ABCA5: variants seen among roughly 807,000 people sequenced by gnomAD.
The protein encoded by ABCA5 is cholesterol transporter ABCA5.
Under a neutral mutation model 206.0 loss-of-function variants are expected in ABCA5, and 163 were observed. The ratio of observed to expected loss-of-function variants is 0.79; its 90% CI spans 0.70 to 0.90. The LOEUF (loss-of-function observed/expected upper bound fraction) is 0.90. ABCA5 is among the 40% of genes least tolerant of loss of function. ABCA5 has a pLI of 0.00. For missense variants in ABCA5, 1,859 were observed against 1,912.9 expected (o/e 0.97, Z 0.53); for synonymous variants, 609 against 613.8 (o/e 0.99, Z 0.11).
At chr17:69,249,108 T>G (rs2074984293) in intron 37 of ABCA5, 1 of 152,158 alleles carries the variant, frequency 6.6e-6, no homozygotes, top group Non-Finnish European at 1.5e-5. Context: ...TTGGCAAAAG[T>G]AAACCCATTA....
In ABCA5 at chr17:69,304,830, A is replaced by G; in HGVS notation, c.789-20T>C. ...GAAAGCCTAAAATGAGAATACAGAT[A>G]TAGTTATGGTCAAATGCATAGGCTT... On this transcript the variant is annotated intron_variant, in intron 6 of 38. Transcript: ENST00000392676. 1 of 1,565,144 alleles carries G rather than the reference A, an allele frequency of 6.4e-7. No homozygotes were observed. The highest frequency in any genetic ancestry group is 8.6e-7 in the Non-Finnish European group (1 of 1,159,196).
At chr17:69,277,616 G>A (rs1330181897) in intron 19 of ABCA5, 25 bp downstream of exon 19, 1 of 1,570,996 alleles carries the variant, frequency 6.4e-7, no homozygotes. Context: ...AATCCATCAG[G>A]TATAAGGGTG....
intron 24 of ABCA5, among the ~76,000 whole-genome samples, chr17:69,263,165 C>T (rs983561523): frequency 1.3e-4 from 20 of 152,024 alleles, no homozygotes; most frequent in African/African-American, 4.6e-4. Context: ...TTTGTATTTT[C>T]TCCCATTCTG....
Position 69,274,101 on chromosome 17 carries a change from T to G in ABCA5, c.2622A>C (p.Thr874=), listed in dbSNP as rs1440564188. ...SVLLLLLIFF[T]VQIFMFLVHH... ...GAACCAAAAACATAAAAATCTGAAC[T>G]GTGAAAAAAATTAAAAGCAGAAGCA... is the stretch of plus-strand genomic sequence containing the variant. The change falls in exon 20 of 39, where the codon ACA becomes ACC. Residue 874 remains threonine (T), a synonymous_variant. Transcript: ENST00000392676. 1.3e-6 allele frequency: 2 copies of G among 1,572,300 alleles called. No homozygotes were observed. The highest frequency in any genetic ancestry group is 8.6e-7 in the Non-Finnish European group (1 of 1,166,190).
chr17:69,316,225 G>A (rs917935543), intron 1 of ABCA5, among the ~76,000 whole-genome samples: 2 of 152,220 alleles, frequency 1.3e-5, no homozygotes, highest in Non-Finnish European at 2.9e-5. Context: ...GGGCACACTG[G>A]CTTACGCCCA....
chr17:69,302,932 G>C (rs528048369), intron 7 of ABCA5, 26 bp from the exon 8 acceptor site: 2 of 1,335,500 alleles, frequency 1.5e-6, no homozygotes, highest in African/African-American at 3.0e-5. Flanking sequence ...ATTAAGGTTA[G>C]TGCAATGTTC....
chr17:69,285,939 AGTT>A lies in ABCA5; in HGVS notation c.2228_2230del (p.Gln743del). The A allele has an allele frequency of 6.2e-7, 1 of 1,613,342 alleles. No homozygotes were observed. Among genetic ancestry groups the A allele is most frequent in the Non-Finnish European group, 8.5e-7 (1 of 1,179,570 alleles). On this transcript the variant is annotated inframe_deletion, in exon 17 of 39. Transcript: ENST00000392676. Reference sequence around the variant, plus strand: ...GTCCTTGAAAGGCAAGCTATACACAAGTTGTTGGTCATTCTGTTGTAATAAAGT... The same window carrying A: ...GTCCTTGAAAGGCAAGCTATACACAAGTTGGTCATTCTGTTGTAATAAAGT...
chr17:69,269,445 C>T (rs1345464870), intron 22 of ABCA5, among the ~76,000 whole-genome samples: 1 of 152,178 alleles, frequency 6.6e-6, no homozygotes, highest in Non-Finnish European at 1.5e-5. Context: ...GACACTGCTG[C>T]TGGAAATGGA....
chr17:69,283,730 T>C (rs534952404), intron 18 of ABCA5, among the ~76,000 whole-genome samples: 150 of 152,018 alleles, frequency 9.9e-4, no homozygotes, highest in Non-Finnish European at 1.0e-3. Flanking sequence ...TCAAGTATCA[T>C]CTCAACAAAG....
At chr17:69,270,579 A>G in intron 22 of ABCA5, 34 bp downstream of exon 22, 1 of 1,538,424 alleles carries the variant, frequency 6.5e-7, no homozygotes, top group Non-Finnish European at 8.7e-7. Context: ...TATGACATGC[A>G]TATGGAAATT....
At chr17:69,323,304 A>G (rs1217272965) in intron 1 of ABCA5, among the ~76,000 whole-genome samples, 1 of 152,210 alleles carries the variant, frequency 6.6e-6, no homozygotes, top group African/African-American at 2.4e-5. Flanking sequence ...AACACTGCCT[A>G]TAACTAATTG....
chr17:69,285,937 C>CAACAG lies in ABCA5; in HGVS notation c.2232_2233insCTGTT (p.Val745LeufsTer21). The CAACAG allele has an allele frequency of 6.2e-7, 1 of 1,613,070 alleles. No homozygotes were observed. On this transcript the variant is annotated frameshift_variant, in exon 17 of 39. Transcript: ENST00000392676. LOFTEE classifies it high-confidence loss of function. ...ATGTCCTTGAAAGGCAAGCTATACA[C>CAACAG]AAGTTGTTGGTCATTCTGTTGTAAT... is the stretch of plus-strand genomic sequence containing the variant.
chr17:69,293,848 G>T (rs2144990319), intron 11 of ABCA5, among the ~76,000 whole-genome samples: 1 of 103,058 alleles, frequency 9.7e-6, no homozygotes, highest in Middle Eastern at 4.8e-3. Flanking sequence ...GTGTGTGTGT[G>T]TGTGTGTGTG....
rs1474929503 is a variant in ABCA5, at chr17:69,303,807, T to TATATATACAC, written c.930+861_930+862insGTGTATATAT. On this transcript the variant is annotated intron_variant, in intron 7 of 38. Coordinates refer to ENST00000392676, the MANE Select transcript of ABCA5 (RefSeq NM_172232.4). ...AAAAATATATATATATATATATATA[T>TATATATACAC]ACATACATATATATATATGTATATA... Among the ~76,000 whole-genome samples the TATATATACAC allele has an allele frequency of 3.4e-3, 18 of 5,224 alleles. 3 individuals carry two copies. Among genetic ancestry groups the TATATATACAC allele is most frequent in the Non-Finnish European group, 0.017 (14 of 848 alleles). 3.4% of individuals were successfully genotyped at this position (5,224 alleles called of 152,430 possible). A position where few individuals can be genotyped will look rare whatever the true frequency, so the allele number is the denominator to read the frequency against.
Position 69,247,522 on chromosome 17 carries a change from C to T in ABCA5, c.*15G>A, listed in dbSNP as rs370342240. The T allele has an allele frequency of 1.6e-5, 24 of 1,528,496 alleles. No homozygotes were observed. Among genetic ancestry groups the T allele is most frequent in the Middle Eastern group, 3.4e-4 (2 of 5,916 alleles). 94.7% of individuals were successfully genotyped at this position (1,528,496 alleles called of 1,614,324 possible). On this transcript the variant is annotated 3_prime_UTR_variant, in exon 39 of 39. Transcript: ENST00000392676. ...AAAGAAAGAAGTCCCAGTAAGCAGA[C>T]CGAACAATACAAATTCAAAATACTA...
At position 69,274,097 on chromosome 17, in the gene ABCA5, G is replaced by C. The variant is rs1464295420; in HGVS notation, c.2626C>G (p.Gln876Glu). The stretch of plus-strand genomic sequence containing the variant: ...TGATGAACCAAAAACATAAAAATCT[G>C]AACTGTGAAAAAAATTAAAAGCAGA... ...LLLLLIFFTV[Q>E]IFMFLVHHSF... The change falls in exon 20 of 39, where the codon CAG becomes GAG. Residue 876 changes from glutamine (Q) to glutamate (E), a missense_variant. Transcript: ENST00000392676. The C allele has an allele frequency of 1.9e-6, 3 of 1,562,960 alleles. No individual in the cohort carries two copies. Among genetic ancestry groups the C allele is most frequent in the Non-Finnish European group, 2.6e-6 (3 of 1,160,782 alleles).
At chr17:69,315,861 T>G (rs955123338) in intron 1 of ABCA5, among the ~76,000 whole-genome samples, 3 of 150,944 alleles carry the variant, frequency 2.0e-5, no homozygotes, top group Non-Finnish European at 4.4e-5. Context: ...GACTTTGAAA[T>G]TATCTGATAA....
intron 22 of ABCA5, chr17:69,268,679 C>T (rs2075237955): frequency 6.6e-6 from 1 of 152,202 alleles, no homozygotes; most frequent in South Asian, 2.1e-4. Flanking sequence ...GCCACCCTCA[C>T]CAAGGTCAGT....
chr17:69,271,639 A>AGCT lies in ABCA5; in HGVS notation c.2765-353_2765-351dup, dbSNP rs142447746. Among the ~76,000 whole-genome samples the AGCT allele has an allele frequency of 6.6e-5, 10 of 151,426 alleles. 1 individual carries two copies. The highest frequency in any genetic ancestry group is 1.9e-4 in the East Asian group (1 of 5,144). ...GACACATAGTAACTGCGCATATTTT[A>AGCT]GCTGCTGCTGCTGCTGCTGCCACCA... On this transcript the variant is annotated intron_variant, in intron 20 of 38. Transcript: ENST00000392676.
Sources: allele counts gnomAD v4.1 joint callset (sites outside exome capture counted in the v4.1 genomes callset), GRCh38; gene constraint gnomAD v4.1.1; transcripts MANE v1.5; gene names NCBI Gene and HGNC (gene_info 2026-07-23, HGNC 2026-07-21).